MAST2: variants seen among roughly 807,000 people sequenced by gnomAD.
The protein encoded by MAST2 is microtubule-associated serine/threonine-protein kinase 2.
Under a neutral mutation model 147.4 loss-of-function variants are expected in MAST2, and 70 were observed. That is an observed-to-expected ratio of 0.47 (90% confidence interval 0.39 to 0.58). The LOEUF (loss-of-function observed/expected upper bound fraction) is 0.58, where lower values mean the gene tolerates loss of function less well. Among genes scored for constraint, MAST2 ranks in the 20% least tolerant of loss-of-function variants. MAST2 has a pLI of 0.00. For missense variants in MAST2, 2,080 were observed against 2,302.3 expected, an observed-to-expected ratio of 0.90 and a Z score of 1.98; for synonymous variants, 869 against 896.8, an observed-to-expected ratio of 0.97 and a Z score of 0.55.
intron 10 of MAST2, among the ~76,000 whole-genome samples, chr1:46,014,179 T>TA (rs1318279602): frequency 6.6e-6 from 1 of 152,108 alleles, no homozygotes; most frequent in Non-Finnish European, 1.5e-5. Context: ...TTTTCTTTTT[T>TA]TTATTATTAT....
At chr1:45,821,377 T>G (rs1370381824) in intron 1 of MAST2, among the ~76,000 whole-genome samples, 3 of 152,178 alleles carry the variant, frequency 2.0e-5, no homozygotes, top group Non-Finnish European at 4.4e-5. Flanking sequence ...TTCTTTGCCA[T>G]TGGCTTTGAC....
intron 3 of MAST2, among the ~76,000 whole-genome samples, chr1:45,834,508 C>T (rs958025999): frequency 6.6e-6 from 1 of 152,042 alleles, no homozygotes; most frequent in African/African-American, 2.4e-5. Flanking sequence ...TAGTGGTTCC[C>T]AGGGCATGTT....
chr1:45,916,844 C>T (rs981574674), intron 4 of MAST2, among the ~76,000 whole-genome samples: 9 of 152,026 alleles, frequency 5.9e-5, no homozygotes, highest in African/African-American at 4.8e-5. Flanking sequence ...TTTAGGAGGC[C>T]GAGGCGGGTG....
Position 45,923,188 on chromosome 1 carries a change from A to G in MAST2, c.501-36198A>G, listed in dbSNP as rs1272857731. On this transcript the variant is annotated intron_variant, in intron 4 of 28. Transcript: ENST00000361297. ...CGGACGGCTCAGCTCAGCCTGGCCC[A>G]ATTGTGGCAGTTCCCAGGGGTGGGT... Among the ~76,000 whole-genome samples, 4 of 152,024 alleles carry G rather than the reference A, an allele frequency of 2.6e-5. No individual in the cohort carries two copies. In the East Asian group the frequency reaches 7.8e-4, roughly 29 times the overall value.
intron 5 of MAST2, among the ~76,000 whole-genome samples, chr1:45,971,178 C>T (rs902722851): frequency 3.3e-5 from 5 of 152,136 alleles, no homozygotes; most frequent in Non-Finnish European, 7.4e-5. Context: ...GTAGTTGCAG[C>T]CCACTGGATG....
At chr1:45,892,551 C>G (rs888421056) in intron 4 of MAST2, among the ~76,000 whole-genome samples, 1 of 152,222 alleles carries the variant, frequency 6.6e-6, no homozygotes, top group Non-Finnish European at 1.5e-5. Flanking sequence ...ACTCATTCCA[C>G]TGGAATGATC....
intron 3 of MAST2, chr1:45,847,389 CATCTTTGTTTGAAT>C (rs1645472569): frequency 1.1e-5 from 6 of 523,918 alleles, no homozygotes; most frequent in Non-Finnish European, 2.2e-5. Flanking sequence ...AGTTCACAAG[CATCTTTGTTTGAAT>C]ATCTTTTTTT....
intron 10 of MAST2, among the ~76,000 whole-genome samples, chr1:46,016,939 A>G (rs376006510): frequency 6.6e-6 from 1 of 151,980 alleles, no homozygotes; most frequent in African/African-American, 2.4e-5. Context: ...ACAAGGCTAC[A>G]GTAACCAAAA....
intron 3 of MAST2, among the ~76,000 whole-genome samples, chr1:45,869,568 C>CT (rs1557850274): frequency 6.6e-6 from 1 of 152,150 alleles, no homozygotes; most frequent in Non-Finnish European, 1.5e-5. Flanking sequence ...TCCTCTGCTG[C>CT]TTTATGTATT....
In MAST2 at chr1:45,847,248, C is replaced by G. The variant is rs564371124; in HGVS notation, c.468+17667C>G. On this transcript the variant is annotated intron_variant, in intron 3 of 28. Transcript: ENST00000361297. ...ACATCCTTTATACTGCTGTCCCTCCCGCTCCATCGTCTGCTTGATGATGGT... is the reference window on the plus strand; with the variant it reads ...ACATCCTTTATACTGCTGTCCCTCCGGCTCCATCGTCTGCTTGATGATGGT... 72 of 514,238 alleles carry G rather than the reference C, an allele frequency of 1.4e-4. 1 individual carries two copies. The highest frequency in any genetic ancestry group is 1.4e-3 in the African/African-American group (71 of 51,158). The allele number at this position is 514,238 out of a possible 1,614,324, so 31.9% of individuals were successfully genotyped here. A position where few individuals can be genotyped will look rare whatever the true frequency, so the allele number is the denominator to read the frequency against.
At chr1:45,931,272 T>A (rs918064163) in intron 4 of MAST2, among the ~76,000 whole-genome samples, 1 of 152,192 alleles carries the variant, frequency 6.6e-6, no homozygotes, top group African/African-American at 2.4e-5. Context: ...ACCAGTTTAT[T>A]TGATAGGATG....
chr1:45,993,545 A>T (rs1273959593), intron 5 of MAST2, among the ~76,000 whole-genome samples: 1 of 152,024 alleles, frequency 6.6e-6, no homozygotes, highest in African/African-American at 2.4e-5. Flanking sequence ...TTAGCCAGGC[A>T]TGGTGGCGCG....
chr1:45,962,458 C>A (rs1192793511), intron 5 of MAST2, among the ~76,000 whole-genome samples: 1 of 152,180 alleles, frequency 6.6e-6, no homozygotes, highest in East Asian at 1.9e-4. Flanking sequence ...TTAATGATCG[C>A]CATTCTAACT....
At chr1:45,825,359 T>G (rs1376563901) in intron 2 of MAST2, among the ~76,000 whole-genome samples, 1 of 151,956 alleles carries the variant, frequency 6.6e-6, no homozygotes, top group Admixed American at 6.6e-5. Context: ...GCTGGTCATA[T>G]ATTTAGTTAC....
rs535641112 is a variant in MAST2 at position 45,951,527 on chromosome 1, G to A, written c.501-7859G>A. ...GAGCCCAGGAAATAGAGGCAACAGT[G>A]AGTGGAGATTGAGCCACTGCACTCC... On this transcript the variant is annotated intron_variant, in intron 4 of 28. Coordinates refer to ENST00000361297, the MANE Select transcript of MAST2 (RefSeq NM_015112.3). Among the ~76,000 whole-genome samples, 85 of 152,312 alleles carry A rather than the reference G, an allele frequency of 5.6e-4. No individual in the cohort carries two copies. In the Middle Eastern group the frequency reaches 0.01, roughly 18 times the overall value.
At chr1:45,877,457 A>G (rs531529441) in intron 3 of MAST2, among the ~76,000 whole-genome samples, 2 of 152,234 alleles carry the variant, frequency 1.3e-5, no homozygotes, top group Admixed American at 1.3e-4. Flanking sequence ...ATCACCTCCT[A>G]CAGGCCCCAC....
chr1:46,033,693 A>G, intron 26 of MAST2, 109 bp from the exon 27 acceptor site: 1 of 1,398,944 alleles, frequency 7.1e-7, no homozygotes, highest in Middle Eastern at 1.9e-4. Context: ...TGGTGCAGGG[A>G]CAAAAAGCTG....
chr1:46,008,676 G>C (rs1432521772), intron 9 of MAST2, among the ~76,000 whole-genome samples: 1 of 152,208 alleles, frequency 6.6e-6, no homozygotes, highest in Admixed American at 6.5e-5. Flanking sequence ...ATATTAAAGA[G>C]GAAAGAAAGA....
At position 45,912,282 on chromosome 1, in the gene MAST2, CAAAT is replaced by C. The variant is rs143213051; in HGVS notation, c.500+29891_500+29894del. On this transcript the variant is annotated intron_variant, in intron 4 of 28. Transcript: ENST00000361297. ...ACTTTTTAGACTTTGACTTCAATAACAAATAAAGTTTACATTATGACCCATCACA... is the reference window on the plus strand; with the variant it reads ...ACTTTTTAGACTTTGACTTCAATAACAAAGTTTACATTATGACCCATCACA... Among the ~76,000 whole-genome samples the C allele has an allele frequency of 7.1e-3, 1,084 of 152,174 alleles. 13 individuals carry two copies. Among genetic ancestry groups the C allele is most frequent in the African/African-American group, 0.024 (984 of 41,512 alleles).
Sources: gnomAD v4.1 joint callset for allele counts (sites outside exome capture counted in the v4.1 genomes callset) on GRCh38, gnomAD v4.1.1 for gene constraint, MANE v1.5 for transcripts, NCBI Gene and HGNC (gene_info 2026-07-23, HGNC 2026-07-21) for gene names.